The following SERINC5 variants were observed in gnomAD, a reference collection of about 807,000 sequenced individuals.
SERINC5 encodes the protein serine incorporator 5.
In SERINC5, 41 loss-of-function variants were observed where a neutral mutation model predicts 63.1. The observed-to-expected ratio is 0.65, with a 90% confidence interval of 0.51 to 0.84. SERINC5 has a LOEUF of 0.84. Among genes scored for constraint, SERINC5 ranks in the 40% least tolerant of loss-of-function variants. SERINC5 has a pLI of 0.00. For missense variants in SERINC5, 523 were observed against 573.0 expected (o/e 0.91, Z 0.89); for synonymous variants, 222 against 215.2 (o/e 1.03, Z -0.28).
At position 80,140,890 on chromosome 5, in the gene SERINC5, C is replaced by T. The variant is rs2112283888; in HGVS notation, c.*2773G>A. The T allele has an allele frequency of 2.0e-6, 2 of 985,266 alleles. No individual in the cohort carries two copies. Among genetic ancestry groups the T allele is most frequent in the African/African-American group, 3.5e-5 (2 of 57,314 alleles). 61.0% of individuals were successfully genotyped at this position (985,266 alleles called of 1,614,324 possible). ...GACCAGCAGCTTCTGGGAATATACT[C>T]TTTAGGTCATGTACAAAAAGGTGTA... is the stretch of plus-strand genomic sequence containing the variant. On this transcript the variant is annotated 3_prime_UTR_variant, in exon 12 of 12. Coordinates refer to ENST00000507668, the MANE Select transcript of SERINC5 (RefSeq NM_001174072.3).
chr5:80,224,001 C>T (rs1157893027), intron 1 of SERINC5, among the ~76,000 whole-genome samples: 5 of 151,250 alleles, frequency 3.3e-5, no homozygotes, highest in African/African-American at 7.3e-5. Flanking sequence ...GGCGTGGTGG[C>T]GGGCGCCTGT....
intron 1 of SERINC5, among the ~76,000 whole-genome samples, chr5:80,236,311 A>G (rs13170471): frequency 0.15 from 23,101 of 152,148 alleles, 1,942 homozygotes; most frequent in Admixed American, 0.19. Flanking sequence ...TAACTGATCA[A>G]GGGCACACCA....
At chr5:80,213,087 A>T (rs1022425709) in intron 1 of SERINC5, among the ~76,000 whole-genome samples, 1 of 152,032 alleles carries the variant, frequency 6.6e-6, no homozygotes. Context: ...TCTACTAAAA[A>T]TACAAAAAAT....
chr5:80,189,059 CTTA>C (rs1174769951), intron 2 of SERINC5, among the ~76,000 whole-genome samples: 7 of 151,980 alleles, frequency 4.6e-5, no homozygotes, highest in African/African-American at 1.7e-4. Flanking sequence ...GGATATCATC[CTTA>C]TTATGTGTAT....
chr5:80,235,923 G>A (rs1425837686), intron 1 of SERINC5, among the ~76,000 whole-genome samples: 1 of 152,158 alleles, frequency 6.6e-6, no homozygotes, highest in Non-Finnish European at 1.5e-5. Context: ...GTGGATCCCT[G>A]TTCTACGAAT....
intron 7 of SERINC5, among the ~76,000 whole-genome samples, chr5:80,162,917 G>T (rs1393887914): frequency 2.6e-5 from 4 of 151,464 alleles, no homozygotes; most frequent in African/African-American, 9.7e-5. Flanking sequence ...TGCGATCTTG[G>T]CTAGTGAGCC....
At chr5:80,127,662 C>A (rs1744796146) in intron 11 of SERINC5, among the ~76,000 whole-genome samples, 1 of 151,954 alleles carries the variant, frequency 6.6e-6, no homozygotes, top group African/African-American at 2.4e-5. Flanking sequence ...TGTTTTAAAA[C>A]TTAATTTTGA....
intron 1 of SERINC5, among the ~76,000 whole-genome samples, chr5:80,241,574 G>A (rs890219914): frequency 6.6e-6 from 1 of 152,102 alleles, no homozygotes; most frequent in South Asian, 2.1e-4. Context: ...AAGAGGAAAT[G>A]AGCCAGGTTT....
Position 80,177,326 on chromosome 5 carries a change from G to A in SERINC5, c.446C>T (p.Thr149Ile). The change falls in exon 4 of 12, where the codon ACC becomes ATC. Residue 149 changes from threonine (T) to isoleucine (I), a missense_variant. Thr to Ile is a moderately conservative substitution (Grantham distance 89). Transcript: ENST00000507668. ...TACCCCATTAGTACCGTTCAGAAAG[G>A]TGTCCTGATCTGGAATGAAGAAAGC... ...SGAFFIPDQD[T>I]FLNAWRYVGA... The A allele has an allele frequency of 6.2e-7, 1 of 1,611,834 alleles. No homozygotes were observed. The highest frequency in any genetic ancestry group is 8.5e-7 in the Non-Finnish European group (1 of 1,177,984).
downstream of SERINC5, among the ~76,000 whole-genome samples, chr5:80,136,053 C>G (rs1745156625): frequency 6.6e-6 from 1 of 152,092 alleles, no homozygotes; most frequent in African/African-American, 2.4e-5. Flanking sequence ...CTTCCTACTA[C>G]TGAACTGTAC....
At chr5:80,208,211 A>G (rs1252395130) in intron 1 of SERINC5, among the ~76,000 whole-genome samples, 1 of 152,132 alleles carries the variant, frequency 6.6e-6, no homozygotes, top group Admixed American at 6.6e-5. Context: ...CATGGACTTT[A>G]GGTGGTAGTG....
At chr5:80,224,006 G>A (rs1375904910) in intron 1 of SERINC5, among the ~76,000 whole-genome samples, 1 of 151,398 alleles carries the variant, frequency 6.6e-6, no homozygotes, top group South Asian at 2.1e-4. Context: ...GGTGGCGGGC[G>A]CCTGTAATCC....
intron 1 of SERINC5, among the ~76,000 whole-genome samples, chr5:80,246,201 G>A (rs923236229): frequency 3.9e-5 from 6 of 152,002 alleles, no homozygotes; most frequent in African/African-American, 1.5e-4. Flanking sequence ...TCCCTAGTTG[G>A]GGTGAACCAC....
intron 2 of SERINC5, among the ~76,000 whole-genome samples, chr5:80,194,781 T>A (rs952000139): frequency 1.1e-4 from 16 of 152,236 alleles, no homozygotes; most frequent in African/African-American, 3.6e-4. Context: ...GGCATTTAAC[T>A]GTGACTTCTG....
At chr5:80,149,103 C>T (rs2112313912) in intron 9 of SERINC5, among the ~76,000 whole-genome samples, 1 of 152,282 alleles carries the variant, frequency 6.6e-6, no homozygotes, top group East Asian at 1.9e-4. Flanking sequence ...GCATGCTCTC[C>T]AGTTCAGAAG....
chr5:80,233,148 G>C (rs940658534), intron 1 of SERINC5, among the ~76,000 whole-genome samples: 1 of 151,988 alleles, frequency 6.6e-6, no homozygotes, highest in Admixed American at 6.6e-5. Flanking sequence ...CTTTAAGGCC[G>C]GGTGCAGTGG....
intron 1 of SERINC5, among the ~76,000 whole-genome samples, chr5:80,204,548 G>A (rs950847528): frequency 6.6e-5 from 10 of 152,120 alleles, no homozygotes; most frequent in African/African-American, 2.2e-4. Flanking sequence ...AGCTTTCATC[G>A]GAATTGTTCT....
At chr5:80,143,997 T>G in intron 11 of SERINC5, 187 bp from the exon 12 acceptor site, 2 of 666,846 alleles carry the variant, frequency 3.0e-6, no homozygotes, top group Non-Finnish European at 4.9e-6. Flanking sequence ...ATGCACCCCT[T>G]AGGTGCTCTC....
At chr5:80,245,530 C>A (rs1473324418) in intron 1 of SERINC5, among the ~76,000 whole-genome samples, 2 of 152,204 alleles carry the variant, frequency 1.3e-5, no homozygotes, top group African/African-American at 4.8e-5. Flanking sequence ...CATCTATTCA[C>A]AAGTCACTCC....
Sources: allele counts gnomAD v4.1 joint callset (sites outside exome capture counted in the v4.1 genomes callset), GRCh38; gene constraint gnomAD v4.1.1; transcripts MANE v1.5; gene names NCBI Gene and HGNC (gene_info 2026-07-23, HGNC 2026-07-21).